PXDN: variants seen among roughly 807,000 people sequenced by gnomAD.
The protein encoded by PXDN is peroxidasin homolog.
In PXDN, 77 loss-of-function variants were observed where a neutral mutation model predicts 140.3. The observed-to-expected ratio is 0.55, with a 90% confidence interval of 0.46 to 0.66. The LOEUF is 0.66. Ranked by LOEUF, PXDN falls within the 30% of genes least tolerant of loss-of-function variation. The pLI is 0.00. For synonymous variants in PXDN, 911 were observed against 857.4 expected (o/e 1.06, Z -1.09); for missense variants, 1,838 against 2,039.5 (o/e 0.90, Z 1.90).
intron 19 of PXDN, among the ~76,000 whole-genome samples, chr2:1,642,476 A>G (rs957484327): frequency 6.6e-6 from 1 of 152,180 alleles, no homozygotes; most frequent in Admixed American, 6.5e-5. Context: ...AGCTCCACAG[A>G]TTGCCGGGTG....
At chr2:1,711,477 ACCAGCACCCG>A (rs1684777374) in intron 1 of PXDN, among the ~76,000 whole-genome samples, 3 of 120,184 alleles carry the variant, frequency 2.5e-5, no homozygotes, top group Non-Finnish European at 3.4e-5. Context: ...CACCCGCTCC[ACCAGCACCCG>A]CTCCACCAGC....
rs28527205 is a variant in PXDN at position 1,702,992 on chromosome 2, G to T, written c.201-9858C>A. Among the ~76,000 whole-genome samples, 270 of 99,544 alleles carry T rather than the reference G, an allele frequency of 2.7e-3. 7 individuals are homozygous for T. Among genetic ancestry groups the T allele is most frequent in the African/African-American group, 9.7e-3 (176 of 18,182 alleles). The allele number at this position is 99,544 out of a possible 152,430, so 65.3% of individuals were successfully genotyped here. A position where few individuals can be genotyped will look rare whatever the true frequency, so the allele number is the denominator to read the frequency against. On this transcript the variant is annotated intron_variant, in intron 1 of 22. Coordinates refer to ENST00000252804, the MANE Select transcript of PXDN (RefSeq NM_012293.3). ...AGGCGGGACAACTCCAGGTGAAGGG[G>T]GGGACAACTCCAGGTGAAGGGGGGA...
chr2:1,644,387 G>A (rs1390572054), intron 18 of PXDN, among the ~76,000 whole-genome samples: 1 of 152,192 alleles, frequency 6.6e-6, no homozygotes, highest in East Asian at 1.9e-4. Context: ...GGTGGGAAAA[G>A]CATCATTGAA....
chr2:1,661,126 G>A (rs1683294952), intron 13 of PXDN, 89 bp from the exon 14 acceptor site: 2 of 1,484,810 alleles, frequency 1.3e-6, no homozygotes, highest in Non-Finnish European at 1.8e-6. Flanking sequence ...GGAGCCATTT[G>A]TTAGGATTTG....
At chr2:1,664,788 C>T (rs995312531) in intron 11 of PXDN, 170 bp downstream of exon 11, 11 of 599,888 alleles carry the variant, frequency 1.8e-5, no homozygotes, top group African/African-American at 5.6e-5. Flanking sequence ...CAGGAAGCCG[C>T]GGGGGATGTG....
intron 1 of PXDN, among the ~76,000 whole-genome samples, chr2:1,697,611 AC>A (rs905781280): frequency 3.0e-5 from 1 of 33,858 alleles, no homozygotes; most frequent in Admixed American, 2.7e-4. Context: ...AATAATCCTA[AC>A]GGGGGGGGAA....
chr2:1,656,760 G>C (rs1683145492), intron 14 of PXDN, among the ~76,000 whole-genome samples: 1 of 139,342 alleles, frequency 7.2e-6, no homozygotes, highest in Non-Finnish European at 1.5e-5. Context: ...CTCAGTACTG[G>C]GATCTGTCCC....
At chr2:1,636,633 T>C (rs1480847235) in intron 21 of PXDN, 1 of 151,648 alleles carries the variant, frequency 6.6e-6, no homozygotes, top group African/African-American at 2.4e-5. Context: ...GCATGCCTCA[T>C]TCATTAGCAA....
intron 17 of PXDN, chr2:1,646,121 G>T: frequency 6.6e-6 from 1 of 152,392 alleles, no homozygotes; most frequent in Non-Finnish European, 1.5e-5. Flanking sequence ...CAACCCCTCT[G>T]CCCTGTGAAG....
intron 13 of PXDN, among the ~76,000 whole-genome samples, 152 bp from the exon 14 acceptor site, chr2:1,661,189 AAGG>A (rs971870949): frequency 5.9e-5 from 9 of 152,360 alleles, no homozygotes; most frequent in African/African-American, 2.2e-4. Context: ...CTGGAAAGCG[AAGG>A]AGATGTGGTC....
At chr2:1,738,709 C>T (rs1685473111) in intron 1 of PXDN, among the ~76,000 whole-genome samples, 1 of 152,082 alleles carries the variant, frequency 6.6e-6, no homozygotes, top group African/African-American at 2.4e-5. Flanking sequence ...CCACCAGGCC[C>T]AGCTAATTGT....
intron 1 of PXDN, among the ~76,000 whole-genome samples, chr2:1,709,419 G>T (rs1280382097): frequency 6.6e-6 from 1 of 152,202 alleles, no homozygotes; most frequent in African/African-American, 2.4e-5. Flanking sequence ...CAGAAGACAG[G>T]GTGAGGAAAG....
chr2:1,661,019 C>G lies in PXDN; in HGVS notation c.1699G>C (p.Glu567Gln). 1 of 1,614,022 alleles carries G rather than the reference C, an allele frequency of 6.2e-7. No individual in the cohort carries two copies. Among genetic ancestry groups the G allele is most frequent in the Non-Finnish European group, 8.5e-7 (1 of 1,179,894 alleles). ...GGGCTGATGTGAAATTTTCCACTTTCTGTCACCTGAACCCCATCCTGGAGC... is the reference window on the plus strand; with the variant it reads ...GGGCTGATGTGAAATTTTCCACTTTGTGTCACCTGAACCCCATCCTGGAGC... Reference protein sequence around the residue: ...TWNKDGVQVTESGKFHISPEG... With the variant: ...TWNKDGVQVTQSGKFHISPEG... Residue 567 changes from glutamate (E) to glutamine (Q), a missense_variant, in exon 14 of 23, where the codon GAA (glutamate) becomes CAA (glutamine). By Grantham distance (29) the Glu-to-Gln change is conservative. Transcript: ENST00000252804.
Position 1,673,692 on chromosome 2 carries a change from G to C in PXDN, c.969C>G (p.Ala323=), listed in dbSNP as rs61746899. The change falls in exon 9 of 23, where the codon GCC becomes GCG. Residue 323 remains alanine, a synonymous_variant. Coordinates refer to ENST00000252804, the MANE Select transcript of PXDN (RefSeq NM_012293.3). ...GIYQCMAKNV[A]GEVKTQEVTL... ...TCACCTCTTGCGTCTTCACCTCTCC[G>C]GCCACGTTCTTTGCCATGCACTGGT... is the stretch of plus-strand genomic sequence containing the variant. 3 of 1,613,894 alleles carry C rather than the reference G, an allele frequency of 1.9e-6. No homozygotes were observed. Among genetic ancestry groups the C allele is most frequent in the African/African-American group, 2.7e-5 (2 of 75,024 alleles).
chr2:1,711,632 GCTCCACCAGCACCCA>G (rs1238321299), intron 1 of PXDN, among the ~76,000 whole-genome samples: 28 of 52,908 alleles, frequency 5.3e-4, no homozygotes, highest in South Asian at 2.9e-3. Context: ...ACCAGCACCC[GCTCCACCAGCACCCA>G]CTCCACCAGC....
chr2:1,720,489 G>A (rs140974046), intron 1 of PXDN, among the ~76,000 whole-genome samples: 11 of 152,152 alleles, frequency 7.2e-5, no homozygotes, highest in African/African-American at 2.7e-4. Flanking sequence ...GGAGCTGGCT[G>A]AGATGGTGGT....
Position 1,703,248 on chromosome 2 carries a change from G to T in PXDN, c.201-10114C>A, listed in dbSNP as rs375874777. The stretch of plus-strand genomic sequence containing the variant: ...GGGGGGCAACTCCTGGTGAAGGGGG[G>T]GCAACTCCAGGTGAAGGTAGGGGGC... On this transcript the variant is annotated intron_variant, in intron 1 of 22. Coordinates refer to ENST00000252804, the MANE Select transcript of PXDN (RefSeq NM_012293.3). Among the ~76,000 whole-genome samples, 13 of 11,902 alleles carry T rather than the reference G, an allele frequency of 1.1e-3. 2 individuals are homozygous for T. In the East Asian group the frequency reaches 0.014, roughly 13 times the overall value. The allele number at this position is 11,902 out of a possible 152,430, so 7.8% of individuals were successfully genotyped here. A position where few individuals can be genotyped will look rare whatever the true frequency, so the allele number is the denominator to read the frequency against.
chr2:1,664,216 C>T (rs1683377974), intron 11 of PXDN: 1 of 163,672 alleles, frequency 6.1e-6, no homozygotes, highest in African/African-American at 2.4e-5. Context: ...GCACAAGCCT[C>T]CTCCCCAAAG....
intron 8 of PXDN, 92 bp downstream of exon 8, chr2:1,676,835 C>G (rs1399720006): frequency 8.5e-7 from 1 of 1,179,952 alleles, no homozygotes; most frequent in Non-Finnish European, 1.2e-6. Context: ...GAAAAGTGGA[C>G]GTGGGCCTTG....
Sources: gnomAD v4.1 joint callset for allele counts (sites outside exome capture counted in the v4.1 genomes callset) on GRCh38, gnomAD v4.1.1 for gene constraint, MANE v1.5 for transcripts, NCBI Gene and HGNC (gene_info 2026-07-23, HGNC 2026-07-21) for gene names.